Variants in LIMD1 observed in about 807,000 individuals in gnomAD.
The protein encoded by LIMD1 is LIM domain containing 1.
Under a neutral mutation model 58.4 loss-of-function variants are expected in LIMD1, and 23 were observed. The observed-to-expected ratio is 0.39, with a 90% confidence interval of 0.28 to 0.56. The LOEUF (loss-of-function observed/expected upper bound fraction) is 0.56, where lower values mean the gene tolerates loss of function less well. Among genes scored for constraint, LIMD1 ranks in the 20% least tolerant of loss-of-function variants. LIMD1 has a pLI of 0.57. For synonymous variants in LIMD1, 334 were observed against 345.5 expected (o/e 0.97, Z 0.37); for missense variants, 838 against 855.5 (o/e 0.98, Z 0.25).
chr3:45,600,047 C>T (rs1003592682), intron 1 of LIMD1, among the ~76,000 whole-genome samples: 63 of 152,168 alleles, frequency 4.1e-4, no homozygotes, highest in African/African-American at 1.5e-3. Context: ...CTGAGGGGCT[C>T]CCTCCCACAG....
intron 1 of LIMD1, among the ~76,000 whole-genome samples, chr3:45,600,374 C>CAT (rs1394221236): frequency 6.6e-6 from 1 of 152,176 alleles, no homozygotes; most frequent in Non-Finnish European, 1.5e-5. Flanking sequence ...CTTAGAGTCT[C>CAT]AAGATGCCCA....
At chr3:45,632,681 C>A in intron 1 of LIMD1, 1 of 320,788 alleles carries the variant, frequency 3.1e-6, no homozygotes, top group Non-Finnish European at 4.5e-6. Flanking sequence ...AAGGCACTTG[C>A]AATTCACTAG....
At chr3:45,625,912 A>G (rs975024061) in intron 1 of LIMD1, among the ~76,000 whole-genome samples, 2 of 152,226 alleles carry the variant, frequency 1.3e-5, no homozygotes, top group Non-Finnish European at 2.9e-5. Flanking sequence ...ATACTAAAAT[A>G]TACAGCCAGA....
rs1697741709 is a variant in LIMD1 at position 45,681,485 on chromosome 3, C to CA, written c.*4427dup. 6.6e-6 allele frequency: 1 copy of CA among 152,242 alleles called. No individual in the cohort carries two copies. The highest frequency in any genetic ancestry group is 1.5e-5 in the Non-Finnish European group (1 of 68,058). The allele number at this position is 152,242 out of a possible 1,614,324, so 9.4% of individuals were successfully genotyped here. A position where few individuals can be genotyped will look rare whatever the true frequency, so the allele number is the denominator to read the frequency against. On this transcript the variant is annotated 3_prime_UTR_variant, in exon 8 of 8. Transcript: ENST00000273317. ...AGACTCATAGGTCAGAGACAAAGGA[C>CA]AGTTTATTATAGCAATAGCAGTGGC...
rs1346524477 is a variant in LIMD1 at position 45,596,038 on chromosome 3, A to G, written c.1159A>G (p.Ser387Gly). The stretch of plus-strand genomic sequence containing the variant: ...CACTGGTCCCAAGCTCAGCCCCACC[A>G]GTCTTGTCCATCCAGTGATGTCCAC... ...LGTGPKLSPT[S>G]LVHPVMSTLP... The change falls in exon 1 of 8, where the codon AGT becomes GGT. Residue 387 changes from serine to glycine, a missense_variant. Transcript: ENST00000273317. 3.7e-6 allele frequency: 6 copies of G among 1,614,200 alleles called. No homozygotes were observed. Among genetic ancestry groups the G allele is most frequent in the Middle Eastern group, 1.6e-4 (1 of 6,062 alleles).
At chr3:45,597,502 A>G (rs1701369391) in intron 1 of LIMD1, among the ~76,000 whole-genome samples, 1 of 152,160 alleles carries the variant, frequency 6.6e-6, no homozygotes, top group Non-Finnish European at 1.5e-5. Context: ...TGCTAGCTTC[A>G]ACTTTTTTTC....
intron 2 of LIMD1, among the ~76,000 whole-genome samples, chr3:45,653,907 C>CAAAAAAAAAAAAAAAAAA (rs35185922): frequency 6.7e-5 from 5 of 74,844 alleles, no homozygotes; most frequent in African/African-American, 9.8e-5. Context: ...AAGACTGTCT[C>CAAAAAAAAAAAAAAAAAA]AAAAAAAAAA....
At chr3:45,663,182 C>T (rs1697466286) in intron 2 of LIMD1, among the ~76,000 whole-genome samples, 2 of 152,170 alleles carry the variant, frequency 1.3e-5, no homozygotes, top group Non-Finnish European at 2.9e-5. Flanking sequence ...AATACAGCTC[C>T]AGTTTCTTCG....
In LIMD1 at chr3:45,674,030, C is replaced by T. The variant is rs978067073; in HGVS notation, c.1825-313C>T. On this transcript the variant is annotated intron_variant, in intron 6 of 7. Coordinates refer to ENST00000273317, the MANE Select transcript of LIMD1 (RefSeq NM_014240.3). ...CCAGGTCAAACTCCCTTACTTGATA[C>T]TAATTCTTAGATTAGCAGATGAGGA... is the stretch of plus-strand genomic sequence containing the variant. The T allele has an allele frequency of 3.4e-5, 11 of 327,958 alleles. No homozygotes were observed. The East Asian group carries it at 6.0e-4, about 18-fold the overall frequency. The allele number at this position is 327,958 out of a possible 1,614,324, so 20.3% of individuals were successfully genotyped here. A position where few individuals can be genotyped will look rare whatever the true frequency, so the allele number is the denominator to read the frequency against.
chr3:45,674,475 G>T (rs930054660), intron 7 of LIMD1, 64 bp downstream of exon 7: 4 of 1,252,184 alleles, frequency 3.2e-6, no homozygotes, highest in Non-Finnish European at 3.5e-6. Flanking sequence ...AGCATCCTGC[G>T]TTGACTGGGG....
At chr3:45,622,400 A>G (rs929143737) in intron 1 of LIMD1, among the ~76,000 whole-genome samples, 4 of 152,210 alleles carry the variant, frequency 2.6e-5, no homozygotes, top group African/African-American at 7.2e-5. Flanking sequence ...CCCTATACAC[A>G]CTGTGACTTT....
At chr3:45,658,790 G>A (rs1308496721) in intron 2 of LIMD1, among the ~76,000 whole-genome samples, 1 of 151,728 alleles carries the variant, frequency 6.6e-6, no homozygotes, top group Non-Finnish European at 1.5e-5. Context: ...CCCGACTTCA[G>A]GCGATCTGCC....
At chr3:45,614,718 G>A (rs1409295906) in intron 1 of LIMD1, among the ~76,000 whole-genome samples, 1 of 148,994 alleles carries the variant, frequency 6.7e-6, no homozygotes, top group East Asian at 2.0e-4. Context: ...ATGAGGCCCT[G>A]TCTCAAAAAA....
chr3:45,595,008 A>G lies in LIMD1; in HGVS notation c.129A>G (p.Glu43=), dbSNP rs1258305312. The G allele has an allele frequency of 1.2e-5, 19 of 1,613,862 alleles. No homozygotes were observed. The highest frequency in any genetic ancestry group is 1.0e-4 in the Admixed American group (6 of 60,000). ...CAGGCAACAACCCCGAGTTTGAGGA[A>G]ACTCGCAGGGTGTTCGCCACCAAGA... ...KGAGNNPEFE[E]TRRVFATKMA... is the part of the protein sequence containing the mutation. The change falls in exon 1 of 8, where the codon GAA becomes GAG. Residue 43 remains glutamate, a synonymous_variant. Transcript: ENST00000273317.
chr3:45,664,528 GACA>G (rs1402378061), intron 2 of LIMD1, among the ~76,000 whole-genome samples: 1 of 152,202 alleles, frequency 6.6e-6, no homozygotes, highest in Non-Finnish European at 1.5e-5. Flanking sequence ...GAAACATTCA[GACA>G]ACACTAGATC....
intron 1 of LIMD1, among the ~76,000 whole-genome samples, chr3:45,598,015 T>A (rs1456598185): frequency 6.6e-6 from 1 of 152,208 alleles, no homozygotes; most frequent in African/African-American, 2.4e-5. Flanking sequence ...TGAGACAAGG[T>A]CTTGCCTTGT....
At chr3:45,630,189 C>T (rs1466388583) in intron 1 of LIMD1, among the ~76,000 whole-genome samples, 4 of 152,036 alleles carry the variant, frequency 2.6e-5, no homozygotes, top group Non-Finnish European at 4.4e-5. Context: ...CTTTAAAATC[C>T]TGTGGCATGG....
intron 1 of LIMD1, among the ~76,000 whole-genome samples, chr3:45,622,688 A>T (rs913833856): frequency 6.2e-5 from 9 of 145,306 alleles, no homozygotes; most frequent in South Asian, 2.2e-4. Flanking sequence ...TTTTTTTTTT[A>T]AACAGAGTCT....
chr3:45,604,470 C>G (rs752692216), intron 1 of LIMD1, among the ~76,000 whole-genome samples: 1 of 152,192 alleles, frequency 6.6e-6, no homozygotes. Context: ...ATGATGCATA[C>G]GTGTCAGGTC....
Sources: gnomAD v4.1 joint callset for allele counts (sites outside exome capture counted in the v4.1 genomes callset) on GRCh38, gnomAD v4.1.1 for gene constraint, MANE v1.5 for transcripts, NCBI Gene and HGNC (gene_info 2026-07-23, HGNC 2026-07-21) for gene names.